MAP7D2: variants seen among roughly 807,000 people sequenced by gnomAD.
MAP7D2 encodes the protein MAP7 domain containing 2.
A neutral mutation model predicts 63.5 loss-of-function variants in MAP7D2; 33 were observed. The observed-to-expected ratio is 0.52, with a 90% CI of 0.39 to 0.70. The LOEUF (loss-of-function observed/expected upper bound fraction) is 0.70. MAP7D2 is among the 30% of genes least tolerant of loss of function. The probability of loss-of-function intolerance (pLI) is 0.00; values close to 1 mark genes in which losing one functional copy is unlikely to be tolerated. For missense variants in MAP7D2, 626 were observed against 604.0 expected (o/e 1.04, Z -0.38); for synonymous variants, 224 against 223.7 (o/e 1.00, Z -0.01).
chrX:20,023,319 G>A (rs1460068509), intron 10 of MAP7D2, among the ~76,000 whole-genome samples: 2 of 112,740 alleles, frequency 1.8e-5, no homozygotes, highest in African/African-American at 6.4e-5. Flanking sequence ...AGGGACACTG[G>A]CAGAACAGGC....
At chrX:20,028,807 GGA>G (rs1171621001) in intron 8 of MAP7D2, among the ~76,000 whole-genome samples, 14 of 112,127 alleles carry the variant, frequency 1.2e-4, no homozygotes, top group Non-Finnish European at 2.3e-4. Flanking sequence ...ACAAGGGCAG[GGA>G]GTGGATTTGA....
In MAP7D2 at chrX:20,008,570, T is replaced by C. The variant is rs148741397; in HGVS notation, c.*27-172A>G. On this transcript the variant is annotated intron_variant, in intron 16 of 16. Transcript: ENST00000379643. ...ATACAGTATTTCTCAACAGAAGTGA[T>C]AGAGTATTTTACATAGGACTATTCT... Among the ~76,000 whole-genome samples, 23 of 112,475 alleles carry C rather than the reference T, an allele frequency of 2.0e-4. No homozygotes were observed. The East Asian group carries it at 5.0e-3, about 24-fold the overall frequency.
At chrX:20,111,682 A>C (rs1282559935) in intron 1 of MAP7D2, among the ~76,000 whole-genome samples, 1 of 111,915 alleles carries the variant, frequency 8.9e-6, no homozygotes, top group Non-Finnish European at 1.9e-5. Context: ...TGATGGCTGC[A>C]CAACTCTGTG....
chrX:20,079,312 A>G (rs763640514), intron 1 of MAP7D2, among the ~76,000 whole-genome samples: 1 of 112,322 alleles, frequency 8.9e-6, no homozygotes, highest in East Asian at 2.8e-4. Context: ...AAAAAGGCCT[A>G]ACCTTGCTGG....
intron 3 of MAP7D2, among the ~76,000 whole-genome samples, chrX:20,060,498 G>C (rs1235489135): frequency 9.2e-6 from 1 of 109,075 alleles, no homozygotes; most frequent in Admixed American, 9.6e-5. Context: ...AAGAGAAAGA[G>C]GCCTTTCTCT....
chrX:20,074,117 G>A (rs1268028039), intron 1 of MAP7D2, among the ~76,000 whole-genome samples: 12 of 101,925 alleles, frequency 1.2e-4, no homozygotes, highest in Non-Finnish European at 1.8e-4. Flanking sequence ...CCTGGGCAAC[G>A]AGAGTGAAAC....
intron 8 of MAP7D2, among the ~76,000 whole-genome samples, chrX:20,029,813 G>A (rs1245033560): frequency 9.2e-6 from 1 of 108,142 alleles, no homozygotes; most frequent in Non-Finnish European, 1.9e-5. Context: ...TACAGTGAGT[G>A]AACAAAATAC....
At chrX:20,020,607 T>C (rs1444760292) in intron 10 of MAP7D2, among the ~76,000 whole-genome samples, 1 of 111,626 alleles carries the variant, frequency 9.0e-6, no homozygotes, top group Non-Finnish European at 1.9e-5. Context: ...CCTACCTCTC[T>C]TGGCTTTCCC....
intron 10 of MAP7D2, chrX:20,017,280 T>C (rs986172787): frequency 8.8e-6 from 1 of 113,469 alleles, no homozygotes; most frequent in African/African-American, 3.2e-5. Context: ...CCCTAGAAGG[T>C]TCTCAAACGT....
chrX:20,014,452 C>T (rs1249577169), intron 12 of MAP7D2, among the ~76,000 whole-genome samples: 3 of 111,071 alleles, frequency 2.7e-5, no homozygotes, highest in African/African-American at 9.9e-5. Flanking sequence ...CCTGTAATCC[C>T]AGCTAGTTGG....
chrX:20,097,936 A>G (rs916787703), intron 1 of MAP7D2, among the ~76,000 whole-genome samples: 4 of 111,844 alleles, frequency 3.6e-5, no homozygotes, highest in African/African-American at 1.3e-4. Context: ...TCAATGCTCA[A>G]CTTGGATTAC....
intron 1 of MAP7D2, among the ~76,000 whole-genome samples, chrX:20,082,589 G>A (rs1162118875): frequency 8.9e-6 from 1 of 112,051 alleles, no homozygotes; most frequent in African/African-American, 3.2e-5. Flanking sequence ...AGGGCACTTT[G>A]AGGCCTTGAG....
intron 1 of MAP7D2, among the ~76,000 whole-genome samples, chrX:20,077,892 T>A (rs929801769): frequency 1.2e-4 from 14 of 112,552 alleles, no homozygotes; most frequent in Non-Finnish European, 5.6e-5. Flanking sequence ...TCACTGTTTG[T>A]TTGCTTGTTT....
intron 16 of MAP7D2, among the ~76,000 whole-genome samples, chrX:20,010,216 T>A (rs1014484108): frequency 8.9e-6 from 1 of 111,740 alleles, no homozygotes; most frequent in Admixed American, 9.5e-5. Context: ...GGAAGCACTT[T>A]GGCAAAAATA....
At chrX:20,102,545 T>C (rs1456282040) in intron 1 of MAP7D2, among the ~76,000 whole-genome samples, 3 of 110,939 alleles carry the variant, frequency 2.7e-5, no homozygotes, top group African/African-American at 6.6e-5. Flanking sequence ...CAGTTTAGAA[T>C]ATACTCTTTA....
At chrX:20,090,137 T>C (rs931949783) in intron 1 of MAP7D2, among the ~76,000 whole-genome samples, 2 of 111,501 alleles carry the variant, frequency 1.8e-5, no homozygotes, top group Admixed American at 1.9e-4. Context: ...AAGTTATTTT[T>C]AGTCTATTTC....
intron 8 of MAP7D2, among the ~76,000 whole-genome samples, chrX:20,031,594 C>G (rs1461062391): frequency 2.7e-5 from 3 of 110,698 alleles, no homozygotes; most frequent in African/African-American, 9.9e-5. Flanking sequence ...TGGTGAAACC[C>G]CATCTCTAAT....
intron 1 of MAP7D2, among the ~76,000 whole-genome samples, chrX:20,103,609 G>A (rs1020694824): frequency 8.9e-5 from 10 of 112,150 alleles, no homozygotes; most frequent in East Asian, 2.8e-4. Context: ...CTAATCTGTC[G>A]AGGTTAGTCA....
At chrX:20,103,150 C>A (rs1175171050) in intron 1 of MAP7D2, among the ~76,000 whole-genome samples, 1 of 111,800 alleles carries the variant, frequency 8.9e-6, no homozygotes, top group Non-Finnish European at 1.9e-5. Context: ...AGGTCCCTGC[C>A]AACCTTTTGC....
Sources: allele counts gnomAD v4.1 joint callset (sites outside exome capture counted in the v4.1 genomes callset), GRCh38; gene constraint gnomAD v4.1.1; transcripts MANE v1.5; gene names NCBI Gene and HGNC (gene_info 2026-07-23, HGNC 2026-07-21).